BNC2: variants seen among roughly 807,000 people sequenced by gnomAD.
BNC2 encodes zinc finger protein basonuclin-2.
In BNC2, 20 loss-of-function variants were observed where a neutral mutation model predicts 76.3. That is an observed-to-expected ratio of 0.26 (90% confidence interval 0.18 to 0.38). The LOEUF is 0.38. Among genes scored for constraint, BNC2 ranks in the 10% least tolerant of loss-of-function variants. The pLI, the probability that BNC2 is intolerant of heterozygous loss-of-function variation, is 1.00. For missense variants in BNC2, 1,382 were observed against 1,399.8 expected, an observed-to-expected ratio of 0.99 and a Z score of 0.20; for synonymous variants, 582 against 514.8, an observed-to-expected ratio of 1.13 and a Z score of -1.77.
intron 5 of BNC2, among the ~76,000 whole-genome samples, chr9:16,475,064 C>G (rs925432277): frequency 2.0e-5 from 3 of 152,176 alleles, no homozygotes; most frequent in African/African-American, 7.2e-5. Context: ...AGGTACAACA[C>G]TATTCAGAAA....
intron 1 of BNC2, among the ~76,000 whole-genome samples, chr9:16,775,241 T>C (rs1032528807): frequency 8.5e-5 from 13 of 152,182 alleles, no homozygotes; most frequent in Non-Finnish European, 1.8e-4. Context: ...TTGAGATTCA[T>C]GGCATCTTTT....
chr9:16,682,187 G>A (rs567839761), intron 3 of BNC2, among the ~76,000 whole-genome samples: 2 of 151,488 alleles, frequency 1.3e-5, no homozygotes, highest in South Asian at 2.1e-4. Context: ...AAAAAATATA[G>A]AGAATTTGCT....
chr9:16,712,948 G>A (rs1186872133), intron 3 of BNC2, among the ~76,000 whole-genome samples: 1 of 152,156 alleles, frequency 6.6e-6, no homozygotes, highest in Non-Finnish European at 1.5e-5. Context: ...AACTGAGGTA[G>A]GAACTAAAGA....
intron 6 of BNC2, among the ~76,000 whole-genome samples, chr9:16,425,010 C>T (rs760668809): frequency 2.6e-5 from 4 of 152,146 alleles, no homozygotes; most frequent in Non-Finnish European, 4.4e-5. Flanking sequence ...ATCTGAAAAC[C>T]ATCCCCTAGC....
At position 16,410,025 on chromosome 9, in the gene BNC2, T is replaced by C. The variant is rs1165701040; in HGVS notation, c.*8964A>G. Reference sequence around the variant, plus strand: ...ATATTTCAACTCCCTCTGGCCACTTTTGCTGTCAAATATGGAGGCTGAGTC... The same window carrying C: ...ATATTTCAACTCCCTCTGGCCACTTCTGCTGTCAAATATGGAGGCTGAGTC... On this transcript the variant is annotated 3_prime_UTR_variant, in exon 7 of 7. Transcript: ENST00000380672. 6.6e-6 allele frequency: 1 copy of C among 152,228 alleles called. No homozygotes were observed. The highest frequency in any genetic ancestry group is 1.9e-4 in the East Asian group (1 of 5,194). The allele number at this position is 152,228 out of a possible 1,614,324, so 9.4% of individuals were successfully genotyped here. A position where few individuals can be genotyped will look rare whatever the true frequency, so the allele number is the denominator to read the frequency against.
intron 3 of BNC2, among the ~76,000 whole-genome samples, chr9:16,694,479 G>A (rs1211210704): frequency 6.6e-6 from 1 of 152,096 alleles, no homozygotes; most frequent in Non-Finnish European, 1.5e-5. Context: ...CTAGCACCTT[G>A]GCCCATTTGA....
chr9:16,833,340 A>T (rs986811995), intron 1 of BNC2, among the ~76,000 whole-genome samples: 21 of 152,188 alleles, frequency 1.4e-4, no homozygotes, highest in African/African-American at 5.1e-4. Context: ...TTTTACCAGG[A>T]TCGTCAAAAA....
chr9:16,794,931 A>T (rs190094467), intron 1 of BNC2, among the ~76,000 whole-genome samples: 2 of 152,208 alleles, frequency 1.3e-5, no homozygotes, highest in Admixed American at 1.3e-4. Flanking sequence ...ATATATTCCT[A>T]TATTTGGGCC....
At chr9:16,805,381 C>A (rs1294145995) in intron 1 of BNC2, among the ~76,000 whole-genome samples, 1 of 151,842 alleles carries the variant, frequency 6.6e-6, no homozygotes, top group African/African-American at 2.4e-5. Context: ...GGCTGGAGTA[C>A]AATGGCACGA....
chr9:16,542,808 C>A (rs978669719), intron 5 of BNC2, among the ~76,000 whole-genome samples: 3 of 152,168 alleles, frequency 2.0e-5, no homozygotes, highest in Non-Finnish European at 4.4e-5. Context: ...TGCATTTGTC[C>A]CATCTGTATG....
intron 5 of BNC2, among the ~76,000 whole-genome samples, chr9:16,506,513 CTTTTTT>C (rs568955982): frequency 4.2e-4 from 18 of 43,344 alleles, no homozygotes; most frequent in Admixed American, 1.3e-3. Flanking sequence ...TCTCTCTCCT[CTTTTTT>C]TTTTTTTTTT....
intron 4 of BNC2, among the ~76,000 whole-genome samples, chr9:16,566,086 C>G (rs946207035): frequency 6.6e-6 from 1 of 152,084 alleles, no homozygotes; most frequent in Non-Finnish European, 1.5e-5. Flanking sequence ...TTTTCTTTCC[C>G]GTTTCGATTT....
At chr9:16,619,661 T>A (rs1820809088) in intron 3 of BNC2, among the ~76,000 whole-genome samples, 2 of 152,182 alleles carry the variant, frequency 1.3e-5, no homozygotes, top group African/African-American at 4.8e-5. Flanking sequence ...TCAACTGAGC[T>A]GACACAATGA....
At chr9:16,496,718 A>T (rs1190807165) in intron 5 of BNC2, among the ~76,000 whole-genome samples, 3 of 152,208 alleles carry the variant, frequency 2.0e-5, no homozygotes, top group Non-Finnish European at 4.4e-5. Flanking sequence ...GGGGATCCAT[A>T]TCTTTTTTAA....
intron 1 of BNC2, among the ~76,000 whole-genome samples, chr9:16,750,982 A>T (rs1372004670): frequency 1.3e-5 from 2 of 152,202 alleles, no homozygotes; most frequent in African/African-American, 4.8e-5. Context: ...CCAAGTACAG[A>T]GTTGTGTCTT....
intron 1 of BNC2, among the ~76,000 whole-genome samples, chr9:16,841,337 T>C (rs1818820173): frequency 6.6e-6 from 1 of 152,172 alleles, no homozygotes; most frequent in Admixed American, 6.5e-5. Flanking sequence ...TCCCACAGCA[T>C]AGTTGGGATT....
chr9:16,529,410 A>ATCT (rs1817910520), intron 5 of BNC2, among the ~76,000 whole-genome samples: 1 of 152,218 alleles, frequency 6.6e-6, no homozygotes, highest in Non-Finnish European at 1.5e-5. Flanking sequence ...GAGAAGTGTT[A>ATCT]TCTCTACAAA....
At chr9:16,837,704 G>A (rs1210112790) in intron 1 of BNC2, among the ~76,000 whole-genome samples, 2 of 152,130 alleles carry the variant, frequency 1.3e-5, no homozygotes, top group Non-Finnish European at 2.9e-5. Context: ...ATCCTCTGAA[G>A]GTATATAAGA....
chr9:16,579,912 T>C (rs1012897849), intron 4 of BNC2: 2 of 393,040 alleles, frequency 5.1e-6, no homozygotes, highest in Non-Finnish European at 9.0e-6. Flanking sequence ...TAAAAATTTT[T>C]TTATTGACAT....
Sources: allele counts gnomAD v4.1 joint callset (sites outside exome capture counted in the v4.1 genomes callset), GRCh38; gene constraint gnomAD v4.1.1; transcripts MANE v1.5; gene names NCBI Gene and HGNC (gene_info 2026-07-23, HGNC 2026-07-21).